MLPH: variants seen among roughly 807,000 people sequenced by gnomAD.
MLPH encodes exophilin-3.
A neutral mutation model predicts 72.1 loss-of-function variants in MLPH; 51 were observed. That is an observed-to-expected ratio of 0.71 (90% CI 0.56 to 0.89). The LOEUF is 0.89. MLPH is among the 40% of genes least tolerant of loss of function. The pLI is 0.00. For synonymous variants in MLPH, 301 were observed against 310.1 expected (o/e 0.97, Z 0.31); for missense variants, 743 against 759.9 (o/e 0.98, Z 0.26).
chr2:237,554,050 T>C lies in MLPH; in HGVS notation c.*458T>C. 3.2e-6 allele frequency: 1 copy of C among 307,888 alleles called. No individual in the cohort carries two copies. Among genetic ancestry groups the C allele is most frequent in the Non-Finnish European group, 6.4e-6 (1 of 156,228 alleles). The allele number at this position is 307,888 out of a possible 1,614,324, so 19.1% of individuals were successfully genotyped here. The stretch of plus-strand genomic sequence containing the variant: ...GGGGTGTGAGCAGATGTTTGCGTAT[T>C]TCTTGTGGGTGTGACTGGATATTAG... On this transcript the variant is annotated 3_prime_UTR_variant, in exon 16 of 16. Transcript: ENST00000264605.
intron 8 of MLPH, among the ~76,000 whole-genome samples, chr2:237,530,023 G>A (rs1030755978): frequency 6.6e-6 from 1 of 152,246 alleles, no homozygotes; most frequent in Non-Finnish European, 1.5e-5. Context: ...AGGGGCAGGC[G>A]AGGTGGGCAG....
intron 8 of MLPH, among the ~76,000 whole-genome samples, chr2:237,531,918 A>AT (rs35250081): frequency 1.3e-5 from 2 of 152,160 alleles, no homozygotes; most frequent in Non-Finnish European, 2.9e-5. Flanking sequence ...GGAAAAAAAA[A>AT]GTAGAAGTTT....
intron 10 of MLPH, 31 bp from the exon 11 acceptor site, chr2:237,540,771 G>T (rs1426528811): frequency 1.2e-6 from 2 of 1,610,660 alleles, no homozygotes; most frequent in Admixed American, 1.7e-5. Flanking sequence ...CCCTCCTGCT[G>T]CTGGTCAGCC....
intron 11 of MLPH, 22 bp from the exon 12 acceptor site, chr2:237,542,545 T>C (rs2106381609): frequency 6.4e-7 from 1 of 1,569,880 alleles, no homozygotes. Flanking sequence ...TGACGGGCCT[T>C]CTGTCTGCTG....
At chr2:237,504,736 C>A (rs1559339919) in intron 2 of MLPH, among the ~76,000 whole-genome samples, 1 of 152,162 alleles carries the variant, frequency 6.6e-6, no homozygotes, top group Non-Finnish European at 1.5e-5. Flanking sequence ...CATCTCCTAC[C>A]ATCCAGCGAC....
intron 6 of MLPH, among the ~76,000 whole-genome samples, chr2:237,523,170 GAGTC>G (rs2080226612): frequency 6.6e-6 from 1 of 152,324 alleles, no homozygotes; most frequent in Admixed American, 6.5e-5. Flanking sequence ...GAGGGTTTGA[GAGTC>G]TGGATTGTCA....
intron 2 of MLPH, among the ~76,000 whole-genome samples, chr2:237,504,270 G>T (rs189144648): frequency 6.6e-6 from 1 of 152,306 alleles, no homozygotes; most frequent in Non-Finnish European, 1.5e-5. Context: ...AGGCTGGAGT[G>T]CAGTGGCGCA....
At chr2:237,517,698 T>C (rs1050809290) in intron 4 of MLPH, among the ~76,000 whole-genome samples, 11 of 134,804 alleles carry the variant, frequency 8.2e-5, no homozygotes, top group African/African-American at 3.0e-4. Flanking sequence ...GATGGATGGA[T>C]GGATGGATGG....
intron 4 of MLPH, among the ~76,000 whole-genome samples, chr2:237,516,787 G>A (rs1050003554): frequency 5.5e-5 from 5 of 91,510 alleles, no homozygotes; most frequent in African/African-American, 2.5e-4. Context: ...ATGAATGGAT[G>A]GATGGATGGA....
At chr2:237,507,522 T>C (rs549871146) in intron 2 of MLPH, 1 of 152,360 alleles carries the variant, frequency 6.6e-6, no homozygotes, top group Admixed American at 6.5e-5. Flanking sequence ...CATTAATCAT[T>C]TGGAAGACAC....
At chr2:237,521,124 T>C (rs2080173211) in intron 6 of MLPH, among the ~76,000 whole-genome samples, 1 of 152,238 alleles carries the variant, frequency 6.6e-6, no homozygotes, top group Admixed American at 6.5e-5. Context: ...TGTTAGATGC[T>C]TAATTGAGTT....
chr2:237,546,854 C>T (rs938847095), intron 13 of MLPH, among the ~76,000 whole-genome samples, 171 bp downstream of exon 13: 14 of 152,214 alleles, frequency 9.2e-5, no homozygotes, highest in African/African-American at 3.4e-4. Context: ...TGTGAGTTGG[C>T]TTCCTCCGTG....
Position 237,553,755 on chromosome 2 carries a change from G to A in MLPH, c.*163G>A, listed in dbSNP as rs543936456. 48 of 950,628 alleles carry A rather than the reference G, an allele frequency of 5.0e-5. No individual in the cohort carries two copies. The highest frequency in any genetic ancestry group is 4.8e-4 in the East Asian group (20 of 41,726). The allele number at this position is 950,628 out of a possible 1,614,324, so 58.9% of individuals were successfully genotyped here. ...GGACTCCCACCTGCAAGTGGACAGC[G>A]ACATTCAGTCCTGCACTGCTCACCT... On this transcript the variant is annotated 3_prime_UTR_variant, in exon 16 of 16. Coordinates refer to ENST00000264605, the MANE Select transcript of MLPH (RefSeq NM_024101.7).
intron 13 of MLPH, among the ~76,000 whole-genome samples, chr2:237,548,132 G>T (rs1053000781): frequency 9.2e-5 from 14 of 152,192 alleles, no homozygotes; most frequent in African/African-American, 3.4e-4. Context: ...CTCAGGGCAG[G>T]GGGTGAGCTT....
rs1171870642 is a variant in MLPH, at chr2:237,554,810, AG to A, written c.*1220del. ...CTTTCCAATCTCTCACTTAAAACTAAGGTTTGAATCTCAAAGTGTTGCTGGG... is the reference window on the plus strand; with the variant it reads ...CTTTCCAATCTCTCACTTAAAACTAAGTTTGAATCTCAAAGTGTTGCTGGG... On this transcript the variant is annotated 3_prime_UTR_variant, in exon 16 of 16. Coordinates refer to ENST00000264605, the MANE Select transcript of MLPH (RefSeq NM_024101.7). The A allele has an allele frequency of 2.0e-5, 3 of 152,228 alleles. No homozygotes were observed. Among genetic ancestry groups the A allele is most frequent in the African/African-American group, 7.2e-5 (3 of 41,444 alleles). 9.4% of individuals were successfully genotyped at this position (152,228 alleles called of 1,614,324 possible). A position where few individuals can be genotyped will look rare whatever the true frequency, so the allele number is the denominator to read the frequency against.
intron 1 of MLPH, among the ~76,000 whole-genome samples, chr2:237,492,542 G>A (rs2079448124): frequency 6.6e-6 from 1 of 152,052 alleles, no homozygotes; most frequent in Non-Finnish European, 1.5e-5. Flanking sequence ...CACCAGTAGT[G>A]TTAGGTGATC....
rs537691902 is a variant in MLPH, at chr2:237,550,231, G to A, written c.1675+953G>A. On this transcript the variant is annotated intron_variant, in intron 14 of 15. Coordinates refer to ENST00000264605, the MANE Select transcript of MLPH (RefSeq NM_024101.7). Reference sequence around the variant, plus strand: ...AGCCTCTCCCCCGGGGCTCTCCACCGCCTCCCTGCAACACCTGGCACATCA... The same window carrying A: ...AGCCTCTCCCCCGGGGCTCTCCACCACCTCCCTGCAACACCTGGCACATCA... 1.1e-4 allele frequency among the ~76,000 whole-genome samples: 16 copies of A among 152,194 alleles called. 1 individual carries two copies. The South Asian group carries it at 1.7e-3, about 16-fold the overall frequency.
intron 4 of MLPH, among the ~76,000 whole-genome samples, chr2:237,516,945 G>GATGGA (rs1559350602): frequency 0.054 from 5,866 of 109,444 alleles, 432 homozygotes; most frequent in African/African-American, 0.21. Context: ...GGATGGATAG[G>GATGGA]TGGATAGGTG....
At chr2:237,504,411 A>C (rs1022431837) in intron 2 of MLPH, among the ~76,000 whole-genome samples, 1 of 151,496 alleles carries the variant, frequency 6.6e-6, no homozygotes, top group Non-Finnish European at 1.5e-5. Context: ...AGAGATGGGG[A>C]TTCACCATGT....
Sources: gnomAD v4.1 joint callset for allele counts (sites outside exome capture counted in the v4.1 genomes callset) on GRCh38, gnomAD v4.1.1 for gene constraint, MANE v1.5 for transcripts, NCBI Gene and HGNC (gene_info 2026-07-23, HGNC 2026-07-21) for gene names.